CAMTA1: variants seen among roughly 807,000 people sequenced by gnomAD.
The protein encoded by CAMTA1 is calmodulin binding transcription activator 1.
CAMTA1 carries 27 observed loss-of-function variants against 170.9 expected under a neutral mutation model. The observed-to-expected ratio is 0.16, with a 90% CI of 0.12 to 0.22. The LOEUF is 0.22. CAMTA1 is among the 10% of genes least tolerant of loss of function. The pLI, the probability that CAMTA1 is intolerant of heterozygous loss-of-function variation, is 1.00. For missense variants in CAMTA1, 1,619 were observed against 2,217.2 expected (o/e 0.73, Z 5.42); for synonymous variants, 833 against 891.5 (o/e 0.93, Z 1.17).
intron 6 of CAMTA1, among the ~76,000 whole-genome samples, chr1:7,495,466 C>G (rs191511503): frequency 2.6e-5 from 4 of 152,190 alleles, no homozygotes; most frequent in African/African-American, 9.7e-5. Context: ...TGTTCCATCC[C>G]CAGAAGTGAT....
chr1:7,540,987 G>A (rs571407076), intron 6 of CAMTA1, among the ~76,000 whole-genome samples: 2 of 152,246 alleles, frequency 1.3e-5, no homozygotes, highest in African/African-American at 2.4e-5. Context: ...CCCTGGGCAC[G>A]TCGACCTGGA....
Position 7,588,343 on chromosome 1 carries a change from G to A in CAMTA1, c.511-52057G>A, listed in dbSNP as rs1241190973. Among the ~76,000 whole-genome samples the A allele has an allele frequency of 6.6e-6, 1 of 151,068 alleles. No homozygotes were observed. Among genetic ancestry groups the A allele is most frequent in the East Asian group, 1.9e-4 (1 of 5,188 alleles). On this transcript the variant is annotated intron_variant, in intron 6 of 22. Coordinates refer to ENST00000303635, the MANE Select transcript of CAMTA1 (RefSeq NM_015215.4). This position sits in a 1 kb window ranked among gnomAD's most constrained non-coding sequence, Gnocchi z 5.8. The stretch of plus-strand genomic sequence containing the variant: ...GTGAGAGGTGGCTCTGCAGTCTGGA[G>A]CCCTTTGCTCTGCCACACACAGTCG...
At chr1:7,655,134 A>G (rs2095881190) in intron 7 of CAMTA1, among the ~76,000 whole-genome samples, 1 of 139,800 alleles carries the variant, frequency 7.2e-6, no homozygotes, top group South Asian at 2.4e-4. Context: ...ACCTCTATAC[A>G]CACAAACCCA....
intron 22 of CAMTA1, among the ~76,000 whole-genome samples, 153 bp from the exon 23 acceptor site, chr1:7,766,306 A>G (rs1251964641): frequency 6.6e-6 from 1 of 152,070 alleles, no homozygotes; most frequent in Non-Finnish European, 1.5e-5. Context: ...ATTTTCCCCA[A>G]CAATTTCACA....
intron 3 of CAMTA1, among the ~76,000 whole-genome samples, chr1:7,004,596 C>T (rs1054274207): frequency 6.6e-6 from 1 of 152,036 alleles, no homozygotes; most frequent in Admixed American, 6.6e-5. Context: ...GGAAATATGC[C>T]GATCCATGAA....
At chr1:6,803,145 G>T (rs574334724) in intron 1 of CAMTA1, among the ~76,000 whole-genome samples, 2 of 152,328 alleles carry the variant, frequency 1.3e-5, no homozygotes, top group African/African-American at 4.8e-5. Flanking sequence ...GTGGAATCAG[G>T]CAGTTTGGGT....
intron 5 of CAMTA1, among the ~76,000 whole-genome samples, chr1:7,379,677 C>T (rs978902364): frequency 4.6e-5 from 7 of 152,204 alleles, no homozygotes; most frequent in Non-Finnish European, 7.3e-5. Context: ...GCAGAATTCC[C>T]TAGAAGGCAA....
chr1:7,317,724 A>G (rs918563153), intron 5 of CAMTA1, among the ~76,000 whole-genome samples: 4 of 152,214 alleles, frequency 2.6e-5, no homozygotes, highest in Admixed American at 2.6e-4. Context: ...TGACCAGTCA[A>G]CTGGCATATC....
At chr1:6,946,446 C>A (rs573327469) in intron 3 of CAMTA1, among the ~76,000 whole-genome samples, 1 of 152,226 alleles carries the variant, frequency 6.6e-6, no homozygotes, top group Admixed American at 6.5e-5. Context: ...CTTGTCTTAG[C>A]CTCACACAGT....
rs576081090 is a variant in CAMTA1, at chr1:7,498,340, ATGAG to A, written c.510+30442_510+30445del. Among the ~76,000 whole-genome samples the A allele has an allele frequency of 9.0e-4, 133 of 147,462 alleles. 4 individuals are homozygous for A. In the South Asian group the frequency reaches 0.027, roughly 30 times the overall value. ...TGTGTAAGAGTGAGTGTGGATGTGT[ATGAG>A]TGTGTGTAGAGTGAGTGTGGATGTG... On this transcript the variant is annotated intron_variant, in intron 6 of 22. Transcript: ENST00000303635.
intron 5 of CAMTA1, among the ~76,000 whole-genome samples, chr1:7,323,420 C>G (rs1314612713): frequency 6.6e-6 from 1 of 151,528 alleles, no homozygotes; most frequent in Admixed American, 6.6e-5. Flanking sequence ...GGAAGGAAAT[C>G]CAAACCACCC....
chr1:7,578,338 C>G (rs896459177), intron 6 of CAMTA1, among the ~76,000 whole-genome samples: 5 of 152,200 alleles, frequency 3.3e-5, no homozygotes, highest in African/African-American at 1.2e-4. Context: ...AGCCGAGGCC[C>G]TGGGTCCTCC....
chr1:7,104,601 C>T (rs865948838), intron 4 of CAMTA1, among the ~76,000 whole-genome samples: 1 of 152,306 alleles, frequency 6.6e-6, no homozygotes, highest in Middle Eastern at 3.4e-3. Flanking sequence ...TCAGATTTGG[C>T]TGATGTCAGA....
At chr1:7,434,875 T>C (rs1414037763) in intron 5 of CAMTA1, among the ~76,000 whole-genome samples, 1 of 113,888 alleles carries the variant, frequency 8.8e-6, no homozygotes, top group Non-Finnish European at 1.8e-5. Context: ...ATCCTGTCTC[T>C]ACAAAAAAAA....
chr1:7,175,528 T>C (rs1227437396), intron 4 of CAMTA1, among the ~76,000 whole-genome samples: 1 of 152,254 alleles, frequency 6.6e-6, no homozygotes, highest in African/African-American at 2.4e-5. Flanking sequence ...TATTAAGCCA[T>C]AAGCAGAATT....
At chr1:7,157,559 G>A (rs1057472885) in intron 4 of CAMTA1, among the ~76,000 whole-genome samples, 2 of 152,080 alleles carry the variant, frequency 1.3e-5, no homozygotes, top group African/African-American at 4.8e-5. Context: ...AAGCTGGCAA[G>A]GTTGTGGAAC....
chr1:7,017,351 T>G (rs1003608818), intron 3 of CAMTA1, among the ~76,000 whole-genome samples: 1 of 152,224 alleles, frequency 6.6e-6, no homozygotes, highest in Non-Finnish European at 1.5e-5. Context: ...TGTAGTCTCT[T>G]CAAGCTCTGA....
chr1:6,868,675 T>C (rs948498008), intron 3 of CAMTA1, among the ~76,000 whole-genome samples: 1 of 152,202 alleles, frequency 6.6e-6, no homozygotes, highest in South Asian at 2.1e-4. Flanking sequence ...TAACATAGAA[T>C]ACAAATTGAG....
intron 4 of CAMTA1, among the ~76,000 whole-genome samples, chr1:7,221,325 CA>C (rs760666220): frequency 8.6e-5 from 13 of 151,986 alleles, no homozygotes; most frequent in Non-Finnish European, 1.2e-4. Flanking sequence ...ATGGGTATTG[CA>C]CTCTCCTACC....
Sources: allele counts gnomAD v4.1 joint callset (sites outside exome capture counted in the v4.1 genomes callset), GRCh38; gene constraint gnomAD v4.1.1; non-coding constraint Gnocchi (gnomAD v3.1); transcripts MANE v1.5; gene names NCBI Gene and HGNC (gene_info 2026-07-23, HGNC 2026-07-21).